LHFPL2: variants seen among roughly 807,000 people sequenced by gnomAD.
LHFPL2 encodes LHFPL tetraspan subfamily member 2.
A neutral mutation model predicts 17.5 loss-of-function variants in LHFPL2; 7 were observed. That is an observed-to-expected ratio of 0.40 (90% CI 0.23 to 0.75). The LOEUF is 0.75. Among genes scored for constraint, LHFPL2 ranks in the 30% least tolerant of loss-of-function variants. LHFPL2 has a pLI of 0.37. For missense variants in LHFPL2, 241 were observed against 294.8 expected (o/e 0.82, Z 1.34); for synonymous variants, 134 against 116.2 (o/e 1.15, Z -0.99).
At chr5:78,615,226 C>T (rs536205521) in intron 2 of LHFPL2, among the ~76,000 whole-genome samples, 1 of 152,066 alleles carries the variant, frequency 6.6e-6, no homozygotes, top group African/African-American at 2.4e-5. Flanking sequence ...AGAGAGGAGA[C>T]GGGAGAAGCG....
intron 1 of LHFPL2, among the ~76,000 whole-genome samples, chr5:78,641,804 A>G (rs950737928): frequency 4.6e-5 from 7 of 152,120 alleles, no homozygotes; most frequent in African/African-American, 1.4e-4. Flanking sequence ...ACCGTATTCA[A>G]TATTTTGTAG....
At chr5:78,523,111 GGTGTGT>G (rs57180798) in intron 3 of LHFPL2, among the ~76,000 whole-genome samples, 212 of 149,724 alleles carry the variant, frequency 1.4e-3, no homozygotes, top group African/African-American at 4.2e-3. Context: ...GTGTGTCTGT[GGTGTGT>G]GTGTGTGTGT....
chr5:78,560,899 G>A (rs1241557392), intron 3 of LHFPL2, among the ~76,000 whole-genome samples: 2 of 152,090 alleles, frequency 1.3e-5, no homozygotes, highest in Non-Finnish European at 2.9e-5. Flanking sequence ...GAACAGCACT[G>A]TGCAATAAAA....
chr5:78,637,758 G>A (rs1013156665), intron 1 of LHFPL2, among the ~76,000 whole-genome samples: 6 of 152,216 alleles, frequency 3.9e-5, no homozygotes, highest in Admixed American at 1.3e-4. Flanking sequence ...GAGAGAGCTT[G>A]TTAGAGATAC....
At chr5:78,559,191 G>T (rs1296077381) in intron 3 of LHFPL2, among the ~76,000 whole-genome samples, 1 of 152,156 alleles carries the variant, frequency 6.6e-6, no homozygotes, top group Admixed American at 6.5e-5. Flanking sequence ...TGGCTTAAAA[G>T]AAATTTTGTG....
chr5:78,525,675 G>T (rs1481629986), intron 3 of LHFPL2, among the ~76,000 whole-genome samples: 1 of 152,212 alleles, frequency 6.6e-6, no homozygotes, highest in South Asian at 2.1e-4. Flanking sequence ...ATGCGAAAAC[G>T]GATACAGACT....
intron 3 of LHFPL2, among the ~76,000 whole-genome samples, chr5:78,515,107 A>G (rs1755251529): frequency 1.3e-5 from 2 of 152,204 alleles, no homozygotes; most frequent in African/African-American, 4.8e-5. Flanking sequence ...AGAATGGACA[A>G]TAATCCCCTT....
chr5:78,528,752 T>C (rs908326496), intron 3 of LHFPL2, among the ~76,000 whole-genome samples: 2 of 152,222 alleles, frequency 1.3e-5, no homozygotes, highest in African/African-American at 4.8e-5. Context: ...GGTGCTATTA[T>C]GTTTCACAAA....
chr5:78,581,075 T>G (rs900713839), intron 2 of LHFPL2, among the ~76,000 whole-genome samples: 2 of 152,174 alleles, frequency 1.3e-5, no homozygotes, highest in African/African-American at 4.8e-5. Context: ...CCCTTTTAAG[T>G]TGGATTCCTA....
chr5:78,565,726 G>A (rs1756841596), intron 2 of LHFPL2, among the ~76,000 whole-genome samples: 1 of 152,186 alleles, frequency 6.6e-6, no homozygotes, highest in African/African-American at 2.4e-5. Flanking sequence ...AAGAAGTAGA[G>A]AACCTTCCTC....
chr5:78,547,014 T>C (rs1196833189), intron 3 of LHFPL2, among the ~76,000 whole-genome samples: 1 of 137,654 alleles, frequency 7.3e-6, no homozygotes, highest in Non-Finnish European at 1.6e-5. Context: ...ACTGTACTGG[T>C]AAAAAAAAAA....
chr5:78,489,177 A>G lies in LHFPL2; in HGVS notation c.431-24T>C, dbSNP rs1344027609. On this transcript the variant is annotated intron_variant, in intron 4 of 4. Transcript: ENST00000380345. ...ACCTGCAGAACAAAAGAGAAAACAG[A>G]TTAGAAAATCCCCATGGTGCTACAA... The G allele has an allele frequency of 3.1e-6, 5 of 1,612,544 alleles. No individual in the cohort carries two copies. In the South Asian group the frequency reaches 5.5e-5, roughly 18 times the overall value.
intron 3 of LHFPL2, among the ~76,000 whole-genome samples, chr5:78,545,316 C>T (rs2112383105): frequency 6.6e-6 from 1 of 152,260 alleles, no homozygotes; most frequent in Non-Finnish European, 1.5e-5. Context: ...CCATTGTCTG[C>T]TATAGAATCA....
At chr5:78,580,946 C>T (rs938619165) in intron 2 of LHFPL2, among the ~76,000 whole-genome samples, 1 of 152,174 alleles carries the variant, frequency 6.6e-6, no homozygotes, top group Non-Finnish European at 1.5e-5. Context: ...GCAGTATGGC[C>T]ATTTTCACGA....
rs749473485 is a variant in LHFPL2 at position 78,547,696 on chromosome 5, G to A, written c.-186+17117C>T. Among the ~76,000 whole-genome samples, 53 of 152,208 alleles carry A rather than the reference G, an allele frequency of 3.5e-4. 1 individual carries two copies. Among genetic ancestry groups the A allele is most frequent in the Admixed American group, 1.6e-3 (24 of 15,282 alleles). ...AAAAAATTGAGAAATTCAGAGGAGG[G>A]GATCAGGATAACAAAGCAGCTGGAG... On this transcript the variant is annotated intron_variant, in intron 3 of 4. Coordinates refer to ENST00000380345, the MANE Select transcript of LHFPL2 (RefSeq NM_005779.3).
Position 78,488,893 on chromosome 5 carries a change from C to T in LHFPL2, c.*4G>A, listed in dbSNP as rs766230404. The stretch of plus-strand genomic sequence containing the variant: ...AGGGAGAAAATGGCATTGTCTCTTC[C>T]AAACTAAAGGAGGCAGATCAGATTT... On this transcript the variant is annotated 3_prime_UTR_variant, in exon 5 of 5. Coordinates refer to ENST00000380345, the MANE Select transcript of LHFPL2 (RefSeq NM_005779.3). 3.1e-6 allele frequency: 5 copies of T among 1,613,460 alleles called. No individual in the cohort carries two copies. In the East Asian group the frequency reaches 8.9e-5, roughly 29 times the overall value.
intron 3 of LHFPL2, among the ~76,000 whole-genome samples, chr5:78,543,946 A>G (rs1328317926): frequency 6.6e-6 from 1 of 152,048 alleles, no homozygotes; most frequent in East Asian, 1.9e-4. Context: ...GATAGCAGAG[A>G]CTCAGAATGG....
chr5:78,494,777 A>G (rs756060901), intron 4 of LHFPL2, among the ~76,000 whole-genome samples: 1 of 152,214 alleles, frequency 6.6e-6, no homozygotes, highest in Non-Finnish European at 1.5e-5. Flanking sequence ...AAGAATCTTC[A>G]GAGTTTCTTT....
chr5:78,509,717 C>T (rs2112321684), intron 4 of LHFPL2, 67 bp downstream of exon 4: 1 of 1,498,640 alleles, frequency 6.7e-7, no homozygotes, highest in Non-Finnish European at 9.1e-7. Flanking sequence ...TGCCCAGTAC[C>T]AGAGTGCGCT....
Sources: allele counts gnomAD v4.1 joint callset (sites outside exome capture counted in the v4.1 genomes callset), GRCh38; gene constraint gnomAD v4.1.1; transcripts MANE v1.5; gene names NCBI Gene and HGNC (gene_info 2026-07-23, HGNC 2026-07-21).